Variants in NCOA1 observed in about 807,000 individuals in gnomAD.
NCOA1 encodes the protein Hin-2 protein.
In NCOA1, 35 loss-of-function variants were observed where a neutral mutation model predicts 150.9. The observed-to-expected ratio is 0.23, with a 90% CI of 0.18 to 0.31. NCOA1 has a LOEUF of 0.31. NCOA1 is among the 10% of genes least tolerant of loss of function. The probability of loss-of-function intolerance (pLI) is 1.00; values close to 1 mark genes in which losing one functional copy is unlikely to be tolerated. For synonymous variants in NCOA1, 590 were observed against 630.0 expected (o/e 0.94, Z 0.95); for missense variants, 1,491 against 1,749.3 (o/e 0.85, Z 2.63).
intron 11 of NCOA1, among the ~76,000 whole-genome samples, chr2:24,698,267 T>C (rs1558295836): frequency 6.6e-6 from 1 of 152,068 alleles, no homozygotes; most frequent in African/African-American, 2.4e-5. Context: ...AGAAAAGAAG[T>C]AATATTTTGT....
chr2:24,745,301 A>G (rs1663851481), intron 19 of NCOA1, among the ~76,000 whole-genome samples: 1 of 151,668 alleles, frequency 6.6e-6, no homozygotes, highest in Non-Finnish European at 1.5e-5. Context: ...AGCTGGGACT[A>G]CAGGCGCCCA....
At chr2:24,626,766 G>A (rs1162313282) in intron 3 of NCOA1, among the ~76,000 whole-genome samples, 3 of 152,056 alleles carry the variant, frequency 2.0e-5, no homozygotes, top group African/African-American at 7.2e-5. Flanking sequence ...CTGAATAATT[G>A]TGGGATTAAG....
intron 22 of NCOA1, 121 bp from the exon 23 acceptor site, chr2:24,768,100 T>G: frequency 6.2e-7 from 1 of 1,613,988 alleles, no homozygotes; most frequent in East Asian, 2.2e-5. Context: ...AGAAGAGTTC[T>G]TCTCTGTGGT....
intron 3 of NCOA1, among the ~76,000 whole-genome samples, chr2:24,633,827 A>G (rs888848682): frequency 3.9e-5 from 6 of 152,206 alleles, no homozygotes; most frequent in African/African-American, 9.7e-5. Flanking sequence ...TAGAAATTCT[A>G]CTTTTGGATA....
intron 3 of NCOA1, among the ~76,000 whole-genome samples, chr2:24,624,619 A>G (rs921397366): frequency 6.6e-6 from 1 of 152,178 alleles, no homozygotes. Context: ...TGGTCCATTT[A>G]CTTGTTCAAA....
chr2:24,601,109 G>T (rs1314816912), intron 3 of NCOA1, among the ~76,000 whole-genome samples: 2 of 147,908 alleles, frequency 1.4e-5, no homozygotes, highest in African/African-American at 2.5e-5. Flanking sequence ...TAGTTTTAGT[G>T]TTTTTTTTTT....
At chr2:24,615,347 CTTA>C (rs1220194555) in intron 3 of NCOA1, among the ~76,000 whole-genome samples, 1 of 152,176 alleles carries the variant, frequency 6.6e-6, no homozygotes, top group East Asian at 1.9e-4. Flanking sequence ...TCACAGACCT[CTTA>C]TTATTTTGTT....
At chr2:24,701,115 A>G (rs1451618884) in intron 11 of NCOA1, among the ~76,000 whole-genome samples, 1 of 152,172 alleles carries the variant, frequency 6.6e-6, no homozygotes, top group Admixed American at 6.5e-5. Flanking sequence ...TACAACCTAG[A>G]AACTAGTTGT....
At chr2:24,733,327 T>C (rs1283765529) in intron 17 of NCOA1, among the ~76,000 whole-genome samples, 1 of 151,994 alleles carries the variant, frequency 6.6e-6, no homozygotes, top group African/African-American at 2.4e-5. Flanking sequence ...TTCATGTCAG[T>C]GTAGACAAAA....
chr2:24,704,827 CATAATT>C lies in NCOA1; in HGVS notation c.950-254_950-249del, dbSNP rs368224430. ...ATGTTTCCCAGATTTGGGGTTTTCTCATAATTATAACTTCTCTGAGGAGGCACCCAT... is the reference window on the plus strand; with the variant it reads ...ATGTTTCCCAGATTTGGGGTTTTCTCATAACTTCTCTGAGGAGGCACCCAT... On this transcript the variant is annotated intron_variant, in intron 11 of 22. Transcript: ENST00000348332. Among the ~76,000 whole-genome samples, 13 of 151,952 alleles carry C rather than the reference CATAATT, an allele frequency of 8.6e-5. No homozygotes were observed. In the East Asian group the frequency reaches 1.9e-3, roughly 23 times the overall value.
At chr2:24,651,652 C>G (rs1670717150) in intron 4 of NCOA1, among the ~76,000 whole-genome samples, 1 of 152,030 alleles carries the variant, frequency 6.6e-6, no homozygotes. Flanking sequence ...TACATATCCT[C>G]ATCTCATGAC....
At chr2:24,755,902 A>G (rs1012967608) in intron 20 of NCOA1, among the ~76,000 whole-genome samples, 4 of 152,122 alleles carry the variant, frequency 2.6e-5, no homozygotes, top group African/African-American at 7.2e-5. Context: ...TCAATTGACA[A>G]ATGAGTACTG....
chr2:24,547,988 C>CAAA (rs34669959), intron 1 of NCOA1, among the ~76,000 whole-genome samples: 787 of 74,802 alleles, frequency 0.011, 43 homozygotes, highest in African/African-American at 0.044. Context: ...GACTCTGTCT[C>CAAA]AAAAAAAAAA....
In NCOA1 at chr2:24,566,215, G is replaced by C. The variant is rs775155666; in HGVS notation, c.-260+1785G>C. ...ACACCTCAGAGGAGACTTGCAATAG[G>C]TAGCTCCTTTCTGCAGCCAGGGTGT... On this transcript the variant is annotated intron_variant, in intron 2 of 22. Transcript: ENST00000348332. 2.8e-4 allele frequency among the ~76,000 whole-genome samples: 43 copies of C among 152,236 alleles called. 1 individual carries two copies. The highest frequency in any genetic ancestry group is 2.8e-3 in the Admixed American group (43 of 15,288).
At chr2:24,745,647 T>G (rs1663879997) in intron 19 of NCOA1, among the ~76,000 whole-genome samples, 1 of 152,202 alleles carries the variant, frequency 6.6e-6, no homozygotes, top group Non-Finnish European at 1.5e-5. Context: ...TTCAGGGACC[T>G]TTACATGCTA....
At chr2:24,708,280 G>C (rs968718594) in intron 13 of NCOA1, among the ~76,000 whole-genome samples, 4 of 152,140 alleles carry the variant, frequency 2.6e-5, no homozygotes, top group African/African-American at 9.7e-5. Flanking sequence ...GGAGAGAAAT[G>C]TAAGGAGATG....
intron 3 of NCOA1, among the ~76,000 whole-genome samples, chr2:24,632,793 G>C (rs1169316115): frequency 6.6e-6 from 1 of 152,160 alleles, no homozygotes; most frequent in African/African-American, 2.4e-5. Context: ...CTGTATACAA[G>C]TGTTTGAAAA....
chr2:24,717,348 G>A (rs916345695), intron 14 of NCOA1, among the ~76,000 whole-genome samples: 11 of 152,140 alleles, frequency 7.2e-5, no homozygotes, highest in African/African-American at 1.4e-4. Flanking sequence ...ACTTGGAAGC[G>A]ATCAAGCCAT....
chr2:24,721,661 A>G (rs1283087922), intron 14 of NCOA1, among the ~76,000 whole-genome samples: 3 of 152,208 alleles, frequency 2.0e-5, no homozygotes. Context: ...GACAGGTGCC[A>G]GAGTCAGCTG....
Sources: gnomAD v4.1 joint callset for allele counts (sites outside exome capture counted in the v4.1 genomes callset) on GRCh38, gnomAD v4.1.1 for gene constraint, MANE v1.5 for transcripts, NCBI Gene and HGNC (gene_info 2026-07-23, HGNC 2026-07-21) for gene names.